Variants in KANSL1 observed in about 807,000 individuals in gnomAD.
KANSL1 encodes MLL1/MLL complex subunit KANSL1.
In KANSL1, 22 loss-of-function variants were observed where a neutral mutation model predicts 103.6. The observed-to-expected ratio is 0.21, with a 90% CI of 0.15 to 0.30. KANSL1 has a LOEUF of 0.30. KANSL1 is among the 10% of genes least tolerant of loss of function. The pLI is 1.00. For missense variants in KANSL1, 1,337 were observed against 1,399.8 expected, an observed-to-expected ratio of 0.96 and a Z score of 0.72; for synonymous variants, 600 against 527.6, an observed-to-expected ratio of 1.14 and a Z score of -1.88.
chr17:46,052,845 G>C (rs185210517), intron 6 of KANSL1, among the ~76,000 whole-genome samples: 18 of 143,444 alleles, frequency 1.3e-4, no homozygotes, highest in Admixed American at 7.1e-4. Flanking sequence ...CATGCCTTTA[G>C]TCCCAGCTAC....
chr17:46,095,637 TAAA>T (rs1430083583), intron 2 of KANSL1, among the ~76,000 whole-genome samples: 1 of 152,228 alleles, frequency 6.6e-6, no homozygotes, highest in Non-Finnish European at 1.5e-5. Context: ...CAGCCAAACT[TAAA>T]AGAATATCTT....
intron 2 of KANSL1, among the ~76,000 whole-genome samples, chr17:46,108,119 G>A (rs1023819095): frequency 6.6e-6 from 1 of 152,156 alleles, no homozygotes; most frequent in Non-Finnish European, 1.5e-5. Flanking sequence ...GTTCGATCAT[G>A]TCACTCCTCT....
intron 2 of KANSL1, among the ~76,000 whole-genome samples, chr17:46,138,858 G>A (rs1366327222): frequency 6.6e-6 from 1 of 152,178 alleles, no homozygotes; most frequent in Non-Finnish European, 1.5e-5. Context: ...AATATTAGGA[G>A]AAGTCATGAA....
In KANSL1 at chr17:46,034,122, G is replaced by T. The variant is rs758661513; in HGVS notation, c.2666+39C>A. The T allele has an allele frequency of 4.3e-6, 7 of 1,609,460 alleles. No homozygotes were observed. In the South Asian group the frequency reaches 7.8e-5, roughly 18 times the overall value. On this transcript the variant is annotated intron_variant, in intron 11 of 14. Transcript: ENST00000432791. ...GAAGAGGGAAAAAGGGCAATAGCAG[G>T]AAGAATGGGGAGAGGAGCCAACTAT...
At chr17:46,080,000 AAAG>A (rs892506297) in intron 4 of KANSL1, among the ~76,000 whole-genome samples, 2 of 151,900 alleles carry the variant, frequency 1.3e-5, no homozygotes, top group African/African-American at 2.4e-5. Context: ...AAAGAGAGAA[AAAG>A]AAGAGAGAGG....
intron 2 of KANSL1, among the ~76,000 whole-genome samples, chr17:46,098,481 G>A (rs1392632071): frequency 6.6e-6 from 1 of 152,154 alleles, no homozygotes; most frequent in African/African-American, 2.4e-5. Flanking sequence ...AAAAGGAAAA[G>A]AAAATTACTT....
At chr17:46,044,664 G>T (rs894615995) in intron 7 of KANSL1, 1 of 152,150 alleles carries the variant, frequency 6.6e-6, no homozygotes, top group African/African-American at 2.4e-5. Flanking sequence ...CTTCCTGCTG[G>T]AATACTAACA....
intron 3 of KANSL1, among the ~76,000 whole-genome samples, chr17:46,084,491 G>A (rs1260355409): frequency 6.6e-6 from 1 of 151,842 alleles, no homozygotes; most frequent in Non-Finnish European, 1.5e-5. Flanking sequence ...AGACCAGCCT[G>A]GCCGACACAG....
At chr17:46,172,334 C>T in intron 1 of KANSL1, 102 bp from the exon 2 acceptor site, 1 of 638,930 alleles carries the variant, frequency 1.6e-6, no homozygotes, top group Non-Finnish European at 2.6e-6. Context: ...TAAACTGCCT[C>T]CAGAAAGAAA....
At chr17:46,072,942 A>C (rs1252277101) in intron 4 of KANSL1, among the ~76,000 whole-genome samples, 1 of 152,248 alleles carries the variant, frequency 6.6e-6, no homozygotes, top group Non-Finnish European at 1.5e-5. Context: ...GCAAAAATGC[A>C]TCTTAAATTC....
chr17:46,135,471 T>C (rs2044082859), intron 2 of KANSL1, among the ~76,000 whole-genome samples: 1 of 152,032 alleles, frequency 6.6e-6, no homozygotes, highest in Admixed American at 6.6e-5. Context: ...ACAGGTTTGA[T>C]GCAGACATTC....
chr17:46,220,078 A>G (rs112109939), intron 1 of KANSL1, among the ~76,000 whole-genome samples: 29,787 of 142,130 alleles, frequency 0.21, no homozygotes, highest in African/African-American at 0.38. Context: ...ACTCTAGCCT[A>G]GGTGACAGAG....
At chr17:46,044,221 A>G (rs1016285860) in intron 7 of KANSL1, 11 of 152,182 alleles carry the variant, frequency 7.2e-5, no homozygotes, top group Non-Finnish European at 8.8e-5. Flanking sequence ...ATTTTCAGAG[A>G]AGAGGGTGCT....
At chr17:46,187,120 C>T (rs2047072684) in intron 1 of KANSL1, among the ~76,000 whole-genome samples, 1 of 152,250 alleles carries the variant, frequency 6.6e-6, no homozygotes, top group Admixed American at 6.5e-5. Flanking sequence ...TCCCTTCACA[C>T]CCTCTGGTGG....
At chr17:46,196,395 C>G (rs193153511), upstream of KANSL1, 8 of 456,264 alleles carry the variant, frequency 1.8e-5, no homozygotes, top group African/African-American at 1.4e-4. Flanking sequence ...GAGTAGAAGC[C>G]CCCTGGACAG....
At chr17:46,197,515 C>T (rs1329382612), upstream of KANSL1, among the ~76,000 whole-genome samples, 2 of 152,278 alleles carry the variant, frequency 1.3e-5, no homozygotes, top group South Asian at 2.1e-4. Flanking sequence ...TGGTGGTGCA[C>T]GCCTGTAGTT....
intron 3 of KANSL1, among the ~76,000 whole-genome samples, chr17:46,090,281 AT>A (rs2079332091): frequency 6.6e-6 from 1 of 152,308 alleles, no homozygotes; most frequent in Admixed American, 6.5e-5. Flanking sequence ...TGACACCATA[AT>A]TTCAGACTTC....
intron 1 of KANSL1, among the ~76,000 whole-genome samples, chr17:46,180,855 A>G (rs563534180): frequency 2.0e-5 from 3 of 152,080 alleles, no homozygotes; most frequent in South Asian, 2.1e-4. Context: ...AAGTATATAC[A>G]TATATATATA....
intron 7 of KANSL1, chr17:46,043,252 TA>T (rs1157524792): frequency 1.3e-5 from 2 of 152,198 alleles, no homozygotes; most frequent in African/African-American, 4.8e-5. Context: ...ACATAGATTT[TA>T]TTTTTTCCTT....
Sources: allele counts gnomAD v4.1 joint callset (sites outside exome capture counted in the v4.1 genomes callset), GRCh38; gene constraint gnomAD v4.1.1; transcripts MANE v1.5; gene names NCBI Gene and HGNC (gene_info 2026-07-23, HGNC 2026-07-21).